The following CLPP variants were observed in gnomAD, a reference collection of about 807,000 sequenced individuals.
CLPP encodes ATP-dependent Clp protease proteolytic subunit, mitochondrial.
Under a neutral mutation model 27.4 loss-of-function variants are expected in CLPP, and 14 were observed. The ratio of observed to expected loss-of-function variants is 0.51; its 90% CI spans 0.34 to 0.80. The LOEUF is 0.80. Among genes scored for constraint, CLPP ranks in the 30% least tolerant of loss-of-function variants. The pLI, the probability that CLPP is intolerant of heterozygous loss-of-function variation, is 0.02. For missense variants in CLPP, 361 were observed against 403.6 expected, an observed-to-expected ratio of 0.89 and a Z score of 0.90; for synonymous variants, 193 against 166.6, an observed-to-expected ratio of 1.16 and a Z score of -1.22.
At chr19:6,363,826 T>G (rs2091848088) in intron 3 of CLPP, among the ~76,000 whole-genome samples, 2 of 147,860 alleles carry the variant, frequency 1.4e-5, no homozygotes, top group African/African-American at 2.5e-5. Flanking sequence ...ACCCGGGAGG[T>G]GGAGGTTGCA....
At chr19:6,364,385 A>C in intron 3 of CLPP, 67 bp from the exon 4 acceptor site, 6 of 1,449,466 alleles carry the variant, frequency 4.1e-6, no homozygotes, top group African/African-American at 1.4e-5. Flanking sequence ...CCCCAGGTTT[A>C]GGAGATGGAA....
chr19:6,361,695 G>C lies in CLPP; in HGVS notation c.121G>C (p.Gly41Arg), dbSNP rs1163436990. 2 of 1,494,870 alleles carry C rather than the reference G, an allele frequency of 1.3e-6. No individual in the cohort carries two copies. The highest frequency in any genetic ancestry group is 1.8e-6 in the Non-Finnish European group (2 of 1,124,728). 92.6% of individuals were successfully genotyped at this position (1,494,870 alleles called of 1,614,324 possible). ...QRPPQRTLQN[G>R]LALQRCLHAT... is the part of the protein sequence containing the mutation. The stretch of plus-strand genomic sequence containing the variant: ...GCCGCCGCAGCGGACACTCCAGAAC[G>C]GCCTGGCCCTGCAGCGGTGCCTGCA... Residue 41 changes from glycine to arginine, a missense_variant, in exon 1 of 6, where the codon GGC becomes CGC. Around this residue, in one of 2 missense-constraint regions of CLPP, gnomAD observed 148 missense variants for 122.6 expected, o/e 1.21. Coordinates refer to ENST00000245816, the MANE Select transcript of CLPP (RefSeq NM_006012.4).
chr19:6,366,481 TGG>T (rs1463376464), intron 5 of CLPP, 118 bp downstream of exon 5: 7 of 679,188 alleles, frequency 1.0e-5, no homozygotes, highest in Non-Finnish European at 1.8e-5. Flanking sequence ...TTCTCTGGGA[TGG>T]GGGGACCATC....
chr19:6,362,950 C>G (rs1001894233), intron 3 of CLPP, among the ~76,000 whole-genome samples: 18 of 151,956 alleles, frequency 1.2e-4, no homozygotes, highest in Non-Finnish European at 2.5e-4. Context: ...ATTAGCCGGG[C>G]AATGTGGCGT....
At position 6,361,912 on chromosome 19, in the gene CLPP, G is replaced by A. The variant is rs2091836225; in HGVS notation, c.242G>A (p.Arg81Gln). ...RAYDIYSRLL[R>Q]ERIVCVMGPI... ...TATGACATCTACTCGCGGCTGCTGC[G>A]GGAGCGCATCGTGTGCGTCATGGGC... The change falls in exon 2 of 6, where the codon CGG becomes CAG. Residue 81 changes from arginine (R) to glutamine (Q), a missense_variant. Arg to Gln is a conservative substitution (Grantham distance 43). Coordinates refer to ENST00000245816, the MANE Select transcript of CLPP (RefSeq NM_006012.4). 6.3e-7 allele frequency: 1 copy of A among 1,598,028 alleles called. No homozygotes were observed.
intron 3 of CLPP, among the ~76,000 whole-genome samples, chr19:6,363,739 A>C (rs929547502): frequency 9.9e-5 from 15 of 151,684 alleles, no homozygotes; most frequent in Non-Finnish European, 2.1e-4. Flanking sequence ...CTCTACTAAA[A>C]ATACAAAAAT....
In CLPP at chr19:6,361,715, C is replaced by G. The variant is rs1259976869; in HGVS notation, c.141C>G (p.Cys47Trp). 6.6e-7 allele frequency: 1 copy of G among 1,505,380 alleles called. No individual in the cohort carries two copies. Among genetic ancestry groups the G allele is most frequent in the Non-Finnish European group, 8.8e-7 (1 of 1,130,334 alleles). The allele number at this position is 1,505,380 out of a possible 1,614,324, so 93.3% of individuals were successfully genotyped here. A position where few individuals can be genotyped will look rare whatever the true frequency, so the allele number is the denominator to read the frequency against. The change falls in exon 1 of 6, where the codon TGC becomes TGG. Residue 47 changes from cysteine to tryptophan, a missense_variant. By Grantham distance (215) the Cys-to-Trp change is radical (BLOSUM62 -2). Around this residue, in one of 2 missense-constraint regions of CLPP, gnomAD observed 148 missense variants for 122.6 expected, o/e 1.21. Transcript: ENST00000245816. ...TLQNGLALQR[C>W]LHATATRALP... ...AGAACGGCCTGGCCCTGCAGCGGTG[C>G]CTGCACGCGACGGCGACCCGGGCTC...
chr19:6,363,762 G>A (rs941675816), intron 3 of CLPP, among the ~76,000 whole-genome samples: 8 of 151,736 alleles, frequency 5.3e-5, no homozygotes, highest in African/African-American at 1.9e-4. Flanking sequence ...GCCGGGCATG[G>A]TGGTGTACTT....
chr19:6,362,763 T>C (rs1001791402), intron 3 of CLPP, among the ~76,000 whole-genome samples: 2 of 152,178 alleles, frequency 1.3e-5, no homozygotes, highest in Non-Finnish European at 2.9e-5. Context: ...CATACTGTTC[T>C]GCCAACCTGA....
chr19:6,368,560 C>T lies in CLPP; in HGVS notation c.684C>T (p.Arg228=), dbSNP rs876657442. The T allele has an allele frequency of 1.9e-6, 3 of 1,614,110 alleles. No individual in the cohort carries two copies. The highest frequency in any genetic ancestry group is 2.5e-6 in the Non-Finnish European group (3 of 1,180,012). Reference sequence around the variant, plus strand: ...CAGAGTCCGCCATGGAGAGGGACCGCTACATGAGCCCCATGGAGGCCCAGG... The same window carrying T: ...CAGAGTCCGCCATGGAGAGGGACCGTTACATGAGCCCCATGGAGGCCCAGG... ...QVIESAMERD[R]YMSPMEAQEF... is the part of the protein sequence containing the mutation. The change falls in exon 6 of 6, where the codon CGC becomes CGT. Residue 228 remains arginine, a synonymous_variant. Transcript: ENST00000245816.
In CLPP at chr19:6,364,584, G is replaced by A. The variant is rs756604581; in HGVS notation, c.500G>A (p.Arg167His). The A allele has an allele frequency of 1.2e-6, 2 of 1,613,044 alleles. No individual in the cohort carries two copies. Among genetic ancestry groups the A allele is most frequent in the Non-Finnish European group, 1.7e-6 (2 of 1,179,898 alleles). ...LLLAAGTPGM[R>H]HSLPNSRIMI... is the part of the protein sequence containing the mutation. ...CTCGCCGCCGGCACCCCAGGCATGC[G>A]CCACTCGCTCCCCAACTCCCGTATC... Residue 167 changes from arginine to histidine, a missense_variant, in exon 4 of 6, where the codon CGC becomes CAC. Physicochemically the swap from Arg to His is conservative, Grantham distance 29. Transcript: ENST00000245816.
Position 6,361,790 on chromosome 19 carries a change from G to T in CLPP, c.198+18G>T. On this transcript the variant is annotated intron_variant, in intron 1 of 5. Coordinates refer to ENST00000245816, the MANE Select transcript of CLPP (RefSeq NM_006012.4). ...AGCAGACGGTACGGCGGCCGGGCGG[G>T]GACACGGTTCGGGGGCTCCGGGCTG... is the stretch of plus-strand genomic sequence containing the variant. 1 of 1,563,678 alleles carries T rather than the reference G, an allele frequency of 6.4e-7. No homozygotes were observed. Among genetic ancestry groups the T allele is most frequent in the East Asian group, 2.3e-5 (1 of 43,284 alleles).
chr19:6,365,632 G>C (rs1357152497), intron 4 of CLPP, among the ~76,000 whole-genome samples: 2 of 151,992 alleles, frequency 1.3e-5, no homozygotes, highest in Non-Finnish European at 2.9e-5. Context: ...AGACCAGCCT[G>C]GGCAATGGTG....
intron 2 of CLPP, chr19:6,362,184 T>A: frequency 1.7e-6 from 1 of 594,896 alleles, no homozygotes; most frequent in Non-Finnish European, 3.0e-6. Context: ...CCCTCATTCC[T>A]ACGCTCAAGA....
intron 4 of CLPP, 96 bp from the exon 5 acceptor site, chr19:6,366,162 G>T: frequency 1.3e-6 from 1 of 755,490 alleles, no homozygotes. Context: ...GAAGCCCAAA[G>T]CCCAGGGAAG....
chr19:6,368,869 C>A lies in CLPP; in HGVS notation c.*159C>A. ...TATGGACGGGGCATTCCAGCTGAGA[C>A]ACTGTGATTTTAAATTAAATCTTTG... On this transcript the variant is annotated 3_prime_UTR_variant, in exon 6 of 6. Transcript: ENST00000245816. 3.2e-6 allele frequency: 2 copies of A among 634,750 alleles called. No individual in the cohort carries two copies. The highest frequency in any genetic ancestry group is 3.9e-5 in the South Asian group (2 of 50,962). 39.3% of individuals were successfully genotyped at this position (634,750 alleles called of 1,614,324 possible). A position where few individuals can be genotyped will look rare whatever the true frequency, so the allele number is the denominator to read the frequency against.
At chr19:6,364,828 A>C in intron 4 of CLPP, 189 bp downstream of exon 4, 1 of 564,312 alleles carries the variant, frequency 1.8e-6, no homozygotes, top group South Asian at 2.4e-5. Flanking sequence ...TCCTGGGTTC[A>C]CGCCATTCTT....
chr19:6,361,616 A>G lies in CLPP; in HGVS notation c.42A>G (p.Ser14=). The change falls in exon 1 of 6, where the codon TCA becomes TCG. Residue 14 remains serine (S), a synonymous_variant. Transcript: ENST00000245816. ...TGGTAGGGGGGGCCCGGGTGGCGTC[A>G]TGCAGGTACCCCGCGCTGGGGCCTC... ...GILVGGARVA[S]CRYPALGPRL... 7.0e-7 allele frequency: 1 copy of G among 1,418,962 alleles called. No individual in the cohort carries two copies. 87.9% of individuals were successfully genotyped at this position (1,418,962 alleles called of 1,614,324 possible).
At chr19:6,367,027 T>C (rs2091865882) in intron 5 of CLPP, among the ~76,000 whole-genome samples, 1 of 151,426 alleles carries the variant, frequency 6.6e-6, no homozygotes, top group Non-Finnish European at 1.5e-5. Context: ...TCACTTGAGT[T>C]CAGGAGTTCA....
Sources: allele counts gnomAD v4.1 joint callset (sites outside exome capture counted in the v4.1 genomes callset), GRCh38; gene constraint gnomAD v4.1.1; regional missense constraint gnomAD v4.1.1; transcripts MANE v1.5; gene names NCBI Gene and HGNC (gene_info 2026-07-23, HGNC 2026-07-21).